Variants in CBLB observed in about 807,000 individuals in gnomAD.
CBLB encodes the protein E3 ubiquitin-protein ligase CBL-B.
CBLB carries 31 observed loss-of-function variants against 104.9 expected under a neutral mutation model. That is an observed-to-expected ratio of 0.30 (90% CI 0.22 to 0.40). CBLB has a LOEUF of 0.40. CBLB is among the 10% of genes least tolerant of loss of function. The pLI is 1.00. For synonymous variants in CBLB, 440 were observed against 422.6 expected (o/e 1.04, Z -0.51); for missense variants, 1,062 against 1,214.6 (o/e 0.87, Z 1.87).
intron 2 of CBLB, among the ~76,000 whole-genome samples, chr3:105,854,593 A>ATTT (rs200499603): frequency 0.09 from 13,062 of 145,284 alleles, 658 homozygotes; most frequent in Admixed American, 0.12. Flanking sequence ...CCCTCGTTGT[A>ATTT]TTTTTTTTTT....
At chr3:105,755,429 T>C (rs1417636189) in intron 4 of CBLB, among the ~76,000 whole-genome samples, 2 of 151,920 alleles carry the variant, frequency 1.3e-5, no homozygotes, top group South Asian at 2.1e-4. Flanking sequence ...TTAGATATTC[T>C]AATTTGAAAA....
At chr3:105,808,800 A>G (rs983523631) in intron 3 of CBLB, among the ~76,000 whole-genome samples, 1 of 152,210 alleles carries the variant, frequency 6.6e-6, no homozygotes, top group Non-Finnish European at 1.5e-5. Flanking sequence ...TTATAGAAAT[A>G]ACTGATAAAA....
In CBLB at chr3:105,748,442, T is replaced by C. The variant is rs150573313; in HGVS notation, c.724-2404A>G. 5.3e-3 allele frequency among the ~76,000 whole-genome samples: 800 copies of C among 152,308 alleles called. 8 individuals are homozygous for C. The highest frequency in any genetic ancestry group is 0.018 in the African/African-American group (754 of 41,560). ...TAGGATATTCTACTAAAATACTCCG[T>C]CCTTATCCTGCTACCCCCAAATGTA... is the stretch of plus-strand genomic sequence containing the variant. On this transcript the variant is annotated intron_variant, in intron 5 of 18. Transcript: ENST00000394030.
In CBLB at chr3:105,812,559, T is replaced by C. The variant is rs923009194; in HGVS notation, c.420-36017A>G. Among the ~76,000 whole-genome samples, 6 of 152,204 alleles carry C rather than the reference T, an allele frequency of 3.9e-5. No individual in the cohort carries two copies. The South Asian group carries it at 1.0e-3, about 26-fold the overall frequency. On this transcript the variant is annotated intron_variant, in intron 3 of 18. Coordinates refer to ENST00000394030, the MANE Select transcript of CBLB (RefSeq NM_170662.5). ...AAGAGGAAGAAATGACAGCTCCAAG[T>C]AGAAATGAGCAAGGGCAAAAGTTTT...
intron 6 of CBLB, among the ~76,000 whole-genome samples, chr3:105,743,337 G>A (rs2075790319): frequency 6.6e-6 from 1 of 151,880 alleles, no homozygotes; most frequent in Non-Finnish European, 1.5e-5. Flanking sequence ...GTACATGCCT[G>A]TAGTCCCAGC....
chr3:105,853,301 A>G lies in CBLB; in HGVS notation c.419+113T>C, dbSNP rs2153121315. On this transcript the variant is annotated intron_variant, in intron 3 of 18. Coordinates refer to ENST00000394030, the MANE Select transcript of CBLB (RefSeq NM_170662.5). ...CGTTAAGTACCACATGACTATATAC[A>G]AAGCGACTCACATTTACCCCAAAAC... 2.8e-6 allele frequency: 3 copies of G among 1,060,848 alleles called. No individual in the cohort carries two copies. The East Asian group carries it at 7.1e-5, about 25-fold the overall frequency. The allele number at this position is 1,060,848 out of a possible 1,614,324, so 65.7% of individuals were successfully genotyped here. A position where few individuals can be genotyped will look rare whatever the true frequency, so the allele number is the denominator to read the frequency against.
rs560130412 is a variant in CBLB, at chr3:105,735,771, C to A, written c.1071+1400G>T. 3.3e-5 allele frequency among the ~76,000 whole-genome samples: 5 copies of A among 152,170 alleles called. No homozygotes were observed. In the East Asian group the frequency reaches 9.7e-4, roughly 29 times the overall value. On this transcript the variant is annotated intron_variant, in intron 8 of 18. Coordinates refer to ENST00000394030, the MANE Select transcript of CBLB (RefSeq NM_170662.5). ...TTTGATCCTGACCAACATGGAGAAACCCCATCTCTACTAAAAATACAAAAA... is the reference window on the plus strand; with the variant it reads ...TTTGATCCTGACCAACATGGAGAAAACCCATCTCTACTAAAAATACAAAAA...
intron 18 of CBLB, among the ~76,000 whole-genome samples, chr3:105,668,522 A>T (rs1229298381): frequency 4.0e-5 from 6 of 151,530 alleles, no homozygotes; most frequent in Admixed American, 6.6e-5. Flanking sequence ...TATTTTCTTT[A>T]AAAAAAATTG....
chr3:105,725,119 A>G (rs2073418477), intron 9 of CBLB, among the ~76,000 whole-genome samples: 1 of 152,228 alleles, frequency 6.6e-6, no homozygotes, highest in African/African-American at 2.4e-5. Context: ...GCAAATATCA[A>G]AATTAAAAAA....
chr3:105,756,991 G>C (rs2077142877), intron 4 of CBLB, among the ~76,000 whole-genome samples: 1 of 152,078 alleles, frequency 6.6e-6, no homozygotes, highest in South Asian at 2.1e-4. Flanking sequence ...ACCTCCCCTT[G>C]CTCTCTCTTG....
At chr3:105,732,711 C>G (rs1008382998) in intron 9 of CBLB, among the ~76,000 whole-genome samples, 1 of 152,010 alleles carries the variant, frequency 6.6e-6, no homozygotes, top group African/African-American at 2.4e-5. Flanking sequence ...AAGTAAGGAG[C>G]TCGGCAGGCA....
intron 12 of CBLB, among the ~76,000 whole-genome samples, 160 bp downstream of exon 12, chr3:105,701,934 T>C (rs2152779338): frequency 6.6e-6 from 1 of 152,302 alleles, no homozygotes; most frequent in Middle Eastern, 3.4e-3. Context: ...TAAGTTCAAG[T>C]TTTAATGAGC....
intron 3 of CBLB, among the ~76,000 whole-genome samples, chr3:105,815,194 CCTT>C (rs1451753628): frequency 6.6e-6 from 1 of 152,070 alleles, no homozygotes; most frequent in Non-Finnish European, 1.5e-5. Flanking sequence ...TTTAAGAACT[CCTT>C]CAGTGCAGAT....
chr3:105,708,732 A>G (rs1576506358), intron 10 of CBLB, among the ~76,000 whole-genome samples: 2 of 152,054 alleles, frequency 1.3e-5, no homozygotes, highest in Admixed American at 1.3e-4. Context: ...AAAGAATAAA[A>G]TTAATGCATT....
At chr3:105,724,945 T>C (rs536815962) in intron 9 of CBLB, among the ~76,000 whole-genome samples, 35 of 152,296 alleles carry the variant, frequency 2.3e-4, no homozygotes, top group African/African-American at 8.4e-4. Flanking sequence ...CAAGGGGATC[T>C]ATTTCAAGAG....
chr3:105,786,630 C>T (rs2081062294), intron 3 of CBLB, among the ~76,000 whole-genome samples: 1 of 152,140 alleles, frequency 6.6e-6, no homozygotes, highest in African/African-American at 2.4e-5. Flanking sequence ...AATTTCATAT[C>T]TTTAAAATAA....
chr3:105,694,201 C>T (rs1392343261), intron 12 of CBLB, among the ~76,000 whole-genome samples: 1 of 151,916 alleles, frequency 6.6e-6, no homozygotes, highest in Non-Finnish European at 1.5e-5. Context: ...CAATTTCTAA[C>T]TTGCTCATAT....
At chr3:105,666,680 C>A (rs2064502772) in intron 18 of CBLB, among the ~76,000 whole-genome samples, 1 of 151,258 alleles carries the variant, frequency 6.6e-6, no homozygotes, top group Admixed American at 6.6e-5. Context: ...AGCGAGACTC[C>A]ATCTCAAAAA....
chr3:105,848,517 A>T (rs114595835), intron 3 of CBLB, among the ~76,000 whole-genome samples: 2,279 of 152,200 alleles, frequency 0.015, 26 homozygotes, highest in Non-Finnish European at 0.024. Flanking sequence ...TTAACAATCA[A>T]CTAAAATTTT....
Sources: gnomAD v4.1 joint callset for allele counts (sites outside exome capture counted in the v4.1 genomes callset) on GRCh38, gnomAD v4.1.1 for gene constraint, MANE v1.5 for transcripts, NCBI Gene and HGNC (gene_info 2026-07-23, HGNC 2026-07-21) for gene names.